DYNC1I1: variants seen among roughly 807,000 people sequenced by gnomAD.
DYNC1I1 encodes cytoplasmic dynein 1 intermediate chain 1.
Under a neutral mutation model 86.6 loss-of-function variants are expected in DYNC1I1, and 43 were observed. The observed-to-expected ratio is 0.50, with a 90% CI of 0.39 to 0.64. The LOEUF is 0.64. DYNC1I1 is among the 30% of genes least tolerant of loss of function. DYNC1I1 has a pLI of 0.00. For synonymous variants in DYNC1I1, 262 were observed against 283.7 expected (o/e 0.92, Z 0.77); for missense variants, 604 against 788.8 (o/e 0.77, Z 2.81).
At chr7:95,853,690 A>G (rs2116081434) in intron 5 of DYNC1I1, among the ~76,000 whole-genome samples, 1 of 152,244 alleles carries the variant, frequency 6.6e-6, no homozygotes, top group East Asian at 1.9e-4. Flanking sequence ...TCTATTGTGT[A>G]ATTTAAACCT....
intron 6 of DYNC1I1, among the ~76,000 whole-genome samples, chr7:95,882,410 G>A (rs948030591): frequency 6.6e-6 from 1 of 152,156 alleles, no homozygotes; most frequent in African/African-American, 2.4e-5. Context: ...ACAAAGAGAT[G>A]CACCATATTT....
At chr7:95,982,198 T>C (rs1371398530) in intron 7 of DYNC1I1, among the ~76,000 whole-genome samples, 1 of 152,232 alleles carries the variant, frequency 6.6e-6, no homozygotes, top group African/African-American at 2.4e-5. Flanking sequence ...ATATTGTTTA[T>C]GACTTTTAAA....
At chr7:95,858,882 C>T (rs1177172686) in intron 5 of DYNC1I1, among the ~76,000 whole-genome samples, 1 of 145,176 alleles carries the variant, frequency 6.9e-6, no homozygotes, top group Non-Finnish European at 1.5e-5. Context: ...TTCTTTTTTC[C>T]CTTACATTGT....
At chr7:96,060,142 C>T (rs779426877) in intron 14 of DYNC1I1, among the ~76,000 whole-genome samples, 6 of 152,154 alleles carry the variant, frequency 3.9e-5, no homozygotes, top group African/African-American at 7.2e-5. Context: ...GTATGACTAT[C>T]GGGCTGACTT....
intron 5 of DYNC1I1, among the ~76,000 whole-genome samples, chr7:95,830,668 C>A (rs896167086): frequency 1.2e-4 from 19 of 152,076 alleles, no homozygotes; most frequent in African/African-American, 4.6e-4. Flanking sequence ...CATTCATGTA[C>A]AAATATTTTA....
chr7:96,055,529 T>C (rs1358577550), intron 14 of DYNC1I1, among the ~76,000 whole-genome samples: 2 of 152,166 alleles, frequency 1.3e-5, no homozygotes, highest in Non-Finnish European at 1.5e-5. Context: ...TTTTGTCCCA[T>C]GTTGATAATA....
At chr7:96,036,175 A>G (rs2116019266) in intron 13 of DYNC1I1, among the ~76,000 whole-genome samples, 1 of 152,316 alleles carries the variant, frequency 6.6e-6, no homozygotes, top group East Asian at 1.9e-4. Context: ...TCATCATTCA[A>G]GAGCCAGCAC....
intron 15 of DYNC1I1, among the ~76,000 whole-genome samples, chr7:96,079,201 T>C (rs922214788): frequency 1.3e-5 from 2 of 152,292 alleles, no homozygotes; most frequent in Non-Finnish European, 2.9e-5. Flanking sequence ...ATGGTTTCAA[T>C]TCCCTGAATA....
At chr7:95,878,607 C>T (rs1011085767) in intron 6 of DYNC1I1, among the ~76,000 whole-genome samples, 32 of 152,116 alleles carry the variant, frequency 2.1e-4, no homozygotes, top group African/African-American at 7.5e-4. Context: ...TTAAGCAAAT[C>T]AGCCTACCTG....
At chr7:95,934,969 T>C (rs1182588081) in intron 6 of DYNC1I1, among the ~76,000 whole-genome samples, 2 of 151,936 alleles carry the variant, frequency 1.3e-5, no homozygotes, top group African/African-American at 4.8e-5. Flanking sequence ...TGTGTGTGTG[T>C]GTGTGTCTGT....
chr7:95,833,298 C>G (rs1308625639), intron 5 of DYNC1I1, among the ~76,000 whole-genome samples: 6 of 148,022 alleles, frequency 4.1e-5, no homozygotes, highest in African/African-American at 1.5e-4. Context: ...GGCATTATTT[C>G]TGAGGGCTCT....
intron 5 of DYNC1I1, among the ~76,000 whole-genome samples, chr7:95,838,044 C>T (rs970857534): frequency 6.6e-6 from 1 of 152,218 alleles, no homozygotes; most frequent in African/African-American, 2.4e-5. Context: ...TGCTGTAGTC[C>T]CGCTTGTCTA....
intron 1 of DYNC1I1, among the ~76,000 whole-genome samples, chr7:95,803,687 T>G (rs1464009664): frequency 2.6e-5 from 4 of 152,204 alleles, no homozygotes; most frequent in Non-Finnish European, 5.9e-5. Flanking sequence ...CATTATATAT[T>G]TATCCTAGTT....
chr7:95,980,517 A>G (rs962897354), intron 7 of DYNC1I1, among the ~76,000 whole-genome samples: 13 of 147,046 alleles, frequency 8.8e-5, no homozygotes, highest in African/African-American at 3.0e-4. Flanking sequence ...ACCAGGGAAC[A>G]CATTTTTGAG....
chr7:95,915,444 A>G (rs1273924411), intron 6 of DYNC1I1, among the ~76,000 whole-genome samples: 1 of 152,240 alleles, frequency 6.6e-6, no homozygotes, highest in Non-Finnish European at 1.5e-5. Context: ...TCATTGAAGC[A>G]TATTTATGTT....
intron 14 of DYNC1I1, among the ~76,000 whole-genome samples, chr7:96,066,321 A>G (rs1789985453): frequency 2.0e-5 from 3 of 152,074 alleles, no homozygotes; most frequent in Admixed American, 2.0e-4. Flanking sequence ...ACCACATCAG[A>G]CTCTGGTAAC....
intron 12 of DYNC1I1, among the ~76,000 whole-genome samples, chr7:96,034,901 T>C (rs1292173580): frequency 1.3e-5 from 2 of 152,200 alleles, no homozygotes; most frequent in Admixed American, 6.5e-5. Context: ...TTGATGTAAA[T>C]AGCCAGAAAT....
chr7:95,793,047 T>C (rs535165370), intron 1 of DYNC1I1, among the ~76,000 whole-genome samples: 1 of 152,158 alleles, frequency 6.6e-6, no homozygotes, highest in Admixed American at 6.5e-5. Context: ...GTCACCCAAA[T>C]CTGATGGGTA....
At chr7:95,843,934 A>C (rs1041672299) in intron 5 of DYNC1I1, among the ~76,000 whole-genome samples, 1 of 152,234 alleles carries the variant, frequency 6.6e-6, no homozygotes, top group Non-Finnish European at 1.5e-5. Context: ...ATAGCTTGGA[A>C]GTGAATAAAT....
Sources: allele counts gnomAD v4.1 joint callset (sites outside exome capture counted in the v4.1 genomes callset), GRCh38; gene constraint gnomAD v4.1.1; transcripts MANE v1.5; gene names NCBI Gene and HGNC (gene_info 2026-07-23, HGNC 2026-07-21).